HOMER1: variants seen among roughly 807,000 people sequenced by gnomAD.
HOMER1 encodes the protein homer scaffold protein 1, also known as homer protein homolog 1.
A neutral mutation model predicts 48.9 loss-of-function variants in HOMER1; 3 were observed. The observed-to-expected ratio is 0.06, with a 90% CI of 0.03 to 0.16. The LOEUF (loss-of-function observed/expected upper bound fraction) is 0.16. Ranked by LOEUF, HOMER1 falls within the 10% of genes least tolerant of loss-of-function variation. The pLI, the probability that HOMER1 is intolerant of heterozygous loss-of-function variation, is 1.00. For missense variants in HOMER1, 247 were observed against 411.4 expected (o/e 0.60, Z 3.46); for synonymous variants, 134 against 146.4 (o/e 0.92, Z 0.61).
At chr5:79,426,586 G>A (rs1261467446) in intron 5 of HOMER1, among the ~76,000 whole-genome samples, 1 of 152,030 alleles carries the variant, frequency 6.6e-6, no homozygotes, top group Non-Finnish European at 1.5e-5. Flanking sequence ...ATATGTAGAA[G>A]CTAAAAAAAT....
At chr5:79,501,711 C>G (rs1752597074) in intron 1 of HOMER1, among the ~76,000 whole-genome samples, 1 of 152,202 alleles carries the variant, frequency 6.6e-6, no homozygotes. Context: ...AGCACCTGCT[C>G]TAATGGTAAG....
rs1580406257 is a variant in HOMER1 at position 79,374,828 on chromosome 5, A to C, written c.*1181T>G. ...CTGTTCACTGAGAAGAGCCTATTGA[A>C]TTTAATTCCTGTTTTGAAATACCTA... is the stretch of plus-strand genomic sequence containing the variant. On this transcript the variant is annotated 3_prime_UTR_variant, in exon 9 of 9. Coordinates refer to ENST00000334082, the MANE Select transcript of HOMER1 (RefSeq NM_004272.5). 1 of 152,092 alleles carries C rather than the reference A, an allele frequency of 6.6e-6. No homozygotes were observed. The highest frequency in any genetic ancestry group is 1.5e-5 in the Non-Finnish European group (1 of 67,942). The allele number at this position is 152,092 out of a possible 1,614,324, so 9.4% of individuals were successfully genotyped here. A position where few individuals can be genotyped will look rare whatever the true frequency, so the allele number is the denominator to read the frequency against.
chr5:79,508,368 C>T (rs1323961728), intron 1 of HOMER1, among the ~76,000 whole-genome samples: 4 of 152,198 alleles, frequency 2.6e-5, no homozygotes, highest in African/African-American at 9.6e-5. Context: ...CATTTATATA[C>T]AAGCATATTG....
chr5:79,445,547 AC>A (rs1415998352), intron 4 of HOMER1, among the ~76,000 whole-genome samples: 7 of 148,080 alleles, frequency 4.7e-5, no homozygotes, highest in Non-Finnish European at 1.0e-4. Flanking sequence ...AAAAAGTAAT[AC>A]TTTTGTAAAA....
intron 1 of HOMER1, among the ~76,000 whole-genome samples, chr5:79,467,576 T>G (rs1307416443): frequency 6.6e-6 from 1 of 152,076 alleles, no homozygotes; most frequent in Non-Finnish European, 1.5e-5. Context: ...AACTCAGGAT[T>G]GAAGAGAAAG....
chr5:79,404,301 G>C (rs1749607647), intron 5 of HOMER1, among the ~76,000 whole-genome samples: 1 of 151,952 alleles, frequency 6.6e-6, no homozygotes, highest in African/African-American at 2.4e-5. Flanking sequence ...TTAAAATGAG[G>C]GTGTTTTTCT....
intron 1 of HOMER1, among the ~76,000 whole-genome samples, chr5:79,481,665 C>T (rs1215685218): frequency 1.3e-5 from 2 of 152,122 alleles, no homozygotes; most frequent in East Asian, 3.9e-4. Context: ...AGAGAAGAGC[C>T]ACTAGGAAGA....
intron 5 of HOMER1, among the ~76,000 whole-genome samples, chr5:79,431,513 TG>T (rs1750424660): frequency 6.6e-6 from 1 of 152,044 alleles, no homozygotes; most frequent in Non-Finnish European, 1.5e-5. Context: ...CAGGGTTTTT[TG>T]GGGGTGGGGA....
chr5:79,499,977 G>T (rs1428649116), intron 1 of HOMER1, among the ~76,000 whole-genome samples: 3 of 152,130 alleles, frequency 2.0e-5, no homozygotes, highest in African/African-American at 7.2e-5. Flanking sequence ...AGTGATGCTG[G>T]AAGTGCTCCC....
intron 1 of HOMER1, among the ~76,000 whole-genome samples, chr5:79,464,441 A>G (rs1751398667): frequency 6.6e-6 from 1 of 152,248 alleles, no homozygotes; most frequent in South Asian, 2.1e-4. Context: ...AATGACAAGG[A>G]TAAGTCCAGG....
intron 5 of HOMER1, among the ~76,000 whole-genome samples, chr5:79,418,100 T>C (rs114467365): frequency 0.012 from 1,766 of 152,332 alleles, 23 homozygotes; most frequent in Non-Finnish European, 0.017. Context: ...TTTAAATGTT[T>C]GTTAATAGCA....
At chr5:79,510,897 G>A (rs1752924262) in intron 1 of HOMER1, 17 of 655,806 alleles carry the variant, frequency 2.6e-5, no homozygotes, top group Non-Finnish European at 4.6e-5. Flanking sequence ...CTTCAGAGTA[G>A]ATATCTCTAT....
chr5:79,421,662 A>G (rs1750103364), intron 5 of HOMER1, among the ~76,000 whole-genome samples: 1 of 151,384 alleles, frequency 6.6e-6, no homozygotes, highest in African/African-American at 2.4e-5. Flanking sequence ...CTGGAGTGCA[A>G]TGGCGCAATC....
chr5:79,383,797 TATTA>T (rs1483789277), intron 8 of HOMER1, among the ~76,000 whole-genome samples: 3 of 152,140 alleles, frequency 2.0e-5, no homozygotes, highest in African/African-American at 7.2e-5. Context: ...ATCGAAATCG[TATTA>T]ATTATCTTCT....
At chr5:79,442,040 TAA>T (rs1236192345) in intron 4 of HOMER1, among the ~76,000 whole-genome samples, 1 of 149,314 alleles carries the variant, frequency 6.7e-6, no homozygotes, top group Non-Finnish European at 1.5e-5. Context: ...TAAAATGAAA[TAA>T]AAACAGATGA....
chr5:79,502,936 G>A (rs1180723972), intron 1 of HOMER1, among the ~76,000 whole-genome samples: 3 of 151,934 alleles, frequency 2.0e-5, no homozygotes, highest in Non-Finnish European at 2.9e-5. Context: ...GACTACAGGC[G>A]CCCGCCACCA....
chr5:79,506,447 TG>T (rs1752769423), intron 1 of HOMER1, among the ~76,000 whole-genome samples: 1 of 152,124 alleles, frequency 6.6e-6, no homozygotes, highest in African/African-American at 2.4e-5. Flanking sequence ...TCAAAAGGTA[TG>T]AAATGCTAAA....
intron 2 of HOMER1, among the ~76,000 whole-genome samples, 183 bp from the exon 3 acceptor site, chr5:79,451,304 A>G (rs1288467655): frequency 1.3e-5 from 2 of 152,216 alleles, no homozygotes; most frequent in Non-Finnish European, 2.9e-5. Flanking sequence ...GTTAACTAAA[A>G]TATAAATATG....
At chr5:79,392,930 G>A (rs1215438896) in intron 8 of HOMER1, among the ~76,000 whole-genome samples, 1 of 145,500 alleles carries the variant, frequency 6.9e-6, no homozygotes, top group African/African-American at 2.6e-5. Context: ...GTCTTACGAG[G>A]GAGGGAGGGA....
Sources: allele counts gnomAD v4.1 joint callset (sites outside exome capture counted in the v4.1 genomes callset), GRCh38; gene constraint gnomAD v4.1.1; transcripts MANE v1.5; gene names NCBI Gene and HGNC (gene_info 2026-07-23, HGNC 2026-07-21).